The following FMNL2 variants were observed in gnomAD, a reference collection of about 807,000 sequenced individuals.
FMNL2 encodes the protein formin-like protein 2.
In FMNL2, 51 loss-of-function variants were observed where a neutral mutation model predicts 130.2. The ratio of observed to expected loss-of-function variants is 0.39; its 90% CI spans 0.31 to 0.49. The LOEUF is 0.49. Ranked by LOEUF, FMNL2 falls within the 20% of genes least tolerant of loss-of-function variation. The pLI, the probability that FMNL2 is intolerant of heterozygous loss-of-function variation, is 0.85. For synonymous variants in FMNL2, 465 were observed against 467.1 expected, an observed-to-expected ratio of 1.00 and a Z score of 0.06; for missense variants, 977 against 1,316.2, an observed-to-expected ratio of 0.74 and a Z score of 3.99.
chr2:152,450,165 C>T (rs1271180842), intron 1 of FMNL2, among the ~76,000 whole-genome samples: 1 of 152,160 alleles, frequency 6.6e-6, no homozygotes, highest in Admixed American at 6.5e-5. Flanking sequence ...AAATATATTG[C>T]AGAAAATTAT....
chr2:152,400,943 T>G (rs946273320), intron 1 of FMNL2, among the ~76,000 whole-genome samples: 1 of 152,212 alleles, frequency 6.6e-6, no homozygotes, highest in Non-Finnish European at 1.5e-5. Flanking sequence ...CAGGGAGGAA[T>G]TGGAGGCAGG....
At chr2:152,392,271 G>A (rs565735114) in intron 1 of FMNL2, among the ~76,000 whole-genome samples, 1 of 152,040 alleles carries the variant, frequency 6.6e-6, no homozygotes, top group Non-Finnish European at 1.5e-5. Flanking sequence ...TGATTTAGTG[G>A]ATGATTTCAG....
chr2:152,441,834 C>CAAA (rs35741575), intron 1 of FMNL2, among the ~76,000 whole-genome samples: 50 of 146,672 alleles, frequency 3.4e-4, no homozygotes, highest in African/African-American at 1.2e-3. Context: ...CACTCCGTCT[C>CAAA]AAAAAAAAAA....
intron 1 of FMNL2, among the ~76,000 whole-genome samples, chr2:152,454,011 G>A (rs948123529): frequency 3.3e-5 from 5 of 152,164 alleles, no homozygotes; most frequent in Non-Finnish European, 5.9e-5. Context: ...AGTAGCTCAC[G>A]CCTATAACCC....
At chr2:152,588,263 C>T (rs951564386) in intron 9 of FMNL2, among the ~76,000 whole-genome samples, 3 of 152,222 alleles carry the variant, frequency 2.0e-5, no homozygotes, top group Non-Finnish European at 2.9e-5. Flanking sequence ...TGGCTTCCAG[C>T]CCCTTCCTCC....
At chr2:152,624,696 G>T (rs1392012882) in intron 15 of FMNL2, among the ~76,000 whole-genome samples, 1 of 152,128 alleles carries the variant, frequency 6.6e-6, no homozygotes, top group African/African-American at 2.4e-5. Context: ...AAATTAGCCA[G>T]GCATGGTGGC....
At chr2:152,639,713 CAG>C (rs1288566063) in intron 23 of FMNL2, among the ~76,000 whole-genome samples, 1 of 152,130 alleles carries the variant, frequency 6.6e-6, no homozygotes. Flanking sequence ...AAAGTTCAAA[CAG>C]GGAGCGATCA....
chr2:152,490,401 G>A (rs573517160), intron 1 of FMNL2, among the ~76,000 whole-genome samples: 52 of 152,098 alleles, frequency 3.4e-4, no homozygotes, highest in Non-Finnish European at 6.5e-4. Context: ...GCAGAGTCTG[G>A]GAGGACTTGA....
In FMNL2 at chr2:152,545,809, A is replaced by T. The variant is rs533349359; in HGVS notation, c.282+2990A>T. On this transcript the variant is annotated intron_variant, in intron 3 of 25. Coordinates refer to ENST00000288670, the MANE Select transcript of FMNL2 (RefSeq NM_052905.4). ...GATTTTAGAAGTGCAAAGTGTTAGCACTCATTGTGTATATATTAGAGAAGT... is the reference window on the plus strand; with the variant it reads ...GATTTTAGAAGTGCAAAGTGTTAGCTCTCATTGTGTATATATTAGAGAAGT... 3.9e-5 allele frequency among the ~76,000 whole-genome samples: 6 copies of T among 152,038 alleles called. 1 individual carries two copies. Among genetic ancestry groups the T allele is most frequent in the African/African-American group, 1.4e-4 (6 of 41,396 alleles).
intron 9 of FMNL2, among the ~76,000 whole-genome samples, chr2:152,601,933 G>A (rs1269847011): frequency 6.6e-6 from 1 of 152,156 alleles, no homozygotes; most frequent in African/African-American, 2.4e-5. Flanking sequence ...GCCTCCCAAA[G>A]TGCTGGGAGT....
chr2:152,395,278 A>C (rs1685331647), intron 1 of FMNL2, among the ~76,000 whole-genome samples: 1 of 152,232 alleles, frequency 6.6e-6, no homozygotes, highest in Non-Finnish European at 1.5e-5. Context: ...CAAACCCTAC[A>C]CAAGAGTTAA....
intron 1 of FMNL2, among the ~76,000 whole-genome samples, chr2:152,393,915 T>C (rs920537416): frequency 1.3e-5 from 2 of 152,252 alleles, no homozygotes; most frequent in African/African-American, 4.8e-5. Flanking sequence ...TATAGTTTTT[T>C]ATATGCCCTG....
intron 1 of FMNL2, among the ~76,000 whole-genome samples, chr2:152,512,274 T>C (rs1453155023): frequency 2.0e-5 from 3 of 152,164 alleles, no homozygotes; most frequent in Admixed American, 2.0e-4. Flanking sequence ...AGACATGAAG[T>C]TTGAAAAAAA....
chr2:152,415,168 T>TAA (rs11325472), intron 1 of FMNL2, among the ~76,000 whole-genome samples: 11 of 145,224 alleles, frequency 7.6e-5, no homozygotes, highest in African/African-American at 2.8e-4. Context: ...TCTGATACAT[T>TAA]AAAAAAAAAA....
chr2:152,458,332 CT>C (rs759319489), intron 1 of FMNL2, among the ~76,000 whole-genome samples: 10 of 152,176 alleles, frequency 6.6e-5, no homozygotes, highest in South Asian at 2.1e-4. Context: ...TAGTGGGGTC[CT>C]TACCCCTTCT....
chr2:152,426,773 C>T (rs1281975551), intron 1 of FMNL2, among the ~76,000 whole-genome samples: 1 of 152,026 alleles, frequency 6.6e-6, no homozygotes, highest in East Asian at 1.9e-4. Flanking sequence ...CTGTTTATAG[C>T]CTATTCCTAT....
At chr2:152,600,174 C>T (rs768955822) in intron 9 of FMNL2, among the ~76,000 whole-genome samples, 2 of 152,046 alleles carry the variant, frequency 1.3e-5, no homozygotes, top group East Asian at 1.9e-4. Flanking sequence ...AGGCAGGCCC[C>T]GAGAAGGGTC....
chr2:152,336,891 C>T (rs1681498731), intron 1 of FMNL2, among the ~76,000 whole-genome samples: 1 of 152,200 alleles, frequency 6.6e-6, no homozygotes, highest in African/African-American at 2.4e-5. Context: ...TTCTTTTCTT[C>T]TTTTGTTTTC....
intron 9 of FMNL2, among the ~76,000 whole-genome samples, chr2:152,604,487 A>G (rs1698251483): frequency 6.7e-6 from 1 of 148,998 alleles, no homozygotes; most frequent in Non-Finnish European, 1.5e-5. Context: ...TCAACCAAAC[A>G]TGAATCACGG....
Sources: gnomAD v4.1 joint callset for allele counts (sites outside exome capture counted in the v4.1 genomes callset) on GRCh38, gnomAD v4.1.1 for gene constraint, MANE v1.5 for transcripts, NCBI Gene and HGNC (gene_info 2026-07-23, HGNC 2026-07-21) for gene names.